FKBP1B: variants seen among roughly 807,000 people sequenced by gnomAD.
FKBP1B encodes the protein FKBP prolyl isomerase 1B.
A neutral mutation model predicts 13.5 loss-of-function variants in FKBP1B; 4 were observed. The ratio of observed to expected loss-of-function variants is 0.30; its 90% CI spans 0.15 to 0.68. FKBP1B has a LOEUF of 0.68. Ranked by LOEUF, FKBP1B falls within the 30% of genes least tolerant of loss-of-function variation. FKBP1B has a pLI of 0.76. For synonymous variants in FKBP1B, 54 were observed against 53.6 expected, an observed-to-expected ratio of 1.01 and a Z score of -0.03; for missense variants, 93 against 136.2, an observed-to-expected ratio of 0.68 and a Z score of 1.58.
the FKBP1B span, among the ~76,000 whole-genome samples, chr2:24,040,611 G>A: frequency 2.6e-5 from 4 of 152,120 alleles, no homozygotes; most frequent in Non-Finnish European, 5.9e-5. Flanking sequence ...ATTCCCTATT[G>A]CATTTTATCT....
At position 24,049,859 on chromosome 2, in the gene FKBP1B, G is replaced by C; in HGVS notation, c.10G>C (p.Glu4Gln). The change falls in exon 1 of 4, where the codon GAG (glutamate) becomes CAG (glutamine). Residue 4 changes from glutamate (E) to glutamine (Q), a missense_variant. Transcript: ENST00000380986. MGV[E>Q]IETISPGDGR... ...GGCCTGTGGGACCGCTATGGGCGTGGAGATCGAGACCATCTCCCCCGGAGA... is the reference window on the plus strand; with the variant it reads ...GGCCTGTGGGACCGCTATGGGCGTGCAGATCGAGACCATCTCCCCCGGAGA... The C allele has an allele frequency of 7.0e-7, 1 of 1,428,214 alleles. No homozygotes were observed. Among genetic ancestry groups the C allele is most frequent in the Non-Finnish European group, 9.2e-7 (1 of 1,089,312 alleles). The allele number at this position is 1,428,214 out of a possible 1,614,324, so 88.5% of individuals were successfully genotyped here.
At chr2:24,036,097 T>TAA in the FKBP1B span, among the ~76,000 whole-genome samples, 9 of 148,648 alleles carry the variant, frequency 6.1e-5, no homozygotes, top group South Asian at 6.3e-4. Flanking sequence ...AATAAATAAA[T>TAA]AAATAAATAA....
upstream of FKBP1B, among the ~76,000 whole-genome samples, chr2:24,048,321 T>G (rs1663697722): frequency 6.6e-6 from 1 of 151,766 alleles, no homozygotes; most frequent in African/African-American, 2.4e-5. Context: ...AATTTAAAAA[T>G]TAGCCGAACG....
In FKBP1B at chr2:24,049,874, TC is replaced by T; in HGVS notation, c.30del (p.Gly11GlufsTer57). The T allele has an allele frequency of 1.4e-6, 2 of 1,419,360 alleles. No homozygotes were observed. Among genetic ancestry groups the T allele is most frequent in the Non-Finnish European group, 9.2e-7 (1 of 1,085,190 alleles). The allele number at this position is 1,419,360 out of a possible 1,614,324, so 87.9% of individuals were successfully genotyped here. On this transcript the variant is annotated frameshift_variant, in exon 1 of 4. Transcript: ENST00000380986. LOFTEE classifies it high-confidence loss of function. ...TATGGGCGTGGAGATCGAGACCATC[TC>T]CCCCGGAGACGGTACCGGGCTCCCT... MGVEIETISPGDGRTFPKK... is the reference protein window; with the variant it reads MGVEIETIXPGDGRTFPKK...
At chr2:24,061,054 C>A in intron 3 of FKBP1B, 128 bp downstream of exon 3, 2 of 676,826 alleles carry the variant, frequency 3.0e-6, no homozygotes, top group Non-Finnish European at 5.1e-6. Flanking sequence ...CAGGGCATGG[C>A]AACGCCATCT....
At position 24,063,056 on chromosome 2, in the gene FKBP1B, C is replaced by T; in HGVS notation, c.199-8C>T. The stretch of plus-strand genomic sequence containing the variant: ...TCTCCTCTCCCCATCTGCCCCCATC[C>T]CTGCTAGATGAGCTTGGGGCAGAGG... On this transcript the variant is annotated splice_polypyrimidine_tract_variant and splice_region_variant and intron_variant, in intron 3 of 3. Transcript: ENST00000380986. The T allele has an allele frequency of 6.2e-7, 1 of 1,614,260 alleles. No individual in the cohort carries two copies. The highest frequency in any genetic ancestry group is 8.5e-7 in the Non-Finnish European group (1 of 1,180,050).
At chr2:24,042,802 G>A in the FKBP1B span, among the ~76,000 whole-genome samples, 1 of 152,218 alleles carries the variant, frequency 6.6e-6, no homozygotes, top group East Asian at 1.9e-4. Flanking sequence ...GGAGGCCGAG[G>A]CGGGCAGATC....
At chr2:24,055,867 G>A (rs749114587) in intron 2 of FKBP1B, among the ~76,000 whole-genome samples, 7 of 152,190 alleles carry the variant, frequency 4.6e-5, no homozygotes, top group Non-Finnish European at 1.0e-4. Flanking sequence ...TGGGCTCAGC[G>A]TTAGCAGTAC....
chr2:24,045,849 AG>A (rs1376550216), upstream of FKBP1B: 7 of 152,152 alleles, frequency 4.6e-5, no homozygotes, highest in Non-Finnish European at 1.0e-4. Context: ...TCACTTTGGC[AG>A]CACATATACT....
the FKBP1B span, among the ~76,000 whole-genome samples, chr2:24,042,260 G>A: frequency 3.9e-5 from 6 of 152,016 alleles, no homozygotes; most frequent in Admixed American, 2.6e-4. Context: ...AAAATTGGCC[G>A]GGCGCAGTGG....
At chr2:24,042,202 A>G in the FKBP1B span, among the ~76,000 whole-genome samples, 1 of 151,676 alleles carries the variant, frequency 6.6e-6, no homozygotes, top group African/African-American at 2.4e-5. Context: ...AGGAGCTCAA[A>G]ACCAGCCTGA....
intron 1 of FKBP1B, among the ~76,000 whole-genome samples, chr2:24,052,126 G>A (rs576201497): frequency 3.9e-5 from 6 of 152,108 alleles, no homozygotes; most frequent in African/African-American, 9.6e-5. Context: ...TGTCAGCTCC[G>A]CTTCGAAAAT....
chr2:24,038,958 C>T, the FKBP1B span: 8 of 1,614,082 alleles, frequency 5.0e-6, no homozygotes, highest in East Asian at 2.2e-5. Context: ...TATAAGAATG[C>T]AGGCTGCTGC....
At chr2:24,056,683 GT>G (rs1428673375) in intron 2 of FKBP1B, among the ~76,000 whole-genome samples, 1 of 151,858 alleles carries the variant, frequency 6.6e-6, no homozygotes, top group Non-Finnish European at 1.5e-5. Flanking sequence ...AGAAAATTAG[GT>G]TGTCTTTTTC....
chr2:24,039,671 T>A, the FKBP1B span, among the ~76,000 whole-genome samples: 1 of 152,180 alleles, frequency 6.6e-6, no homozygotes, highest in East Asian at 1.9e-4. Context: ...TACTGAGCTA[T>A]CAGGCAAATG....
At chr2:24,038,709 TTTATC>T in the FKBP1B span, 1 of 1,614,224 alleles carries the variant, frequency 6.2e-7, no homozygotes, top group African/African-American at 1.3e-5. Context: ...CAGTTGCCTC[TTTATC>T]CATAGAGCGT....
chr2:24,037,679 G>C, the FKBP1B span: 1 of 1,606,210 alleles, frequency 6.2e-7, no homozygotes, highest in Admixed American at 1.7e-5. Flanking sequence ...GAATTTACCT[G>C]GTAAATGATG....
chr2:24,040,742 C>T, the FKBP1B span, among the ~76,000 whole-genome samples: 2 of 152,194 alleles, frequency 1.3e-5, no homozygotes, highest in African/African-American at 2.4e-5. Flanking sequence ...TAGGGCTGGG[C>T]GTGGTGACTC....
chr2:24,037,396 T>C, the FKBP1B span, among the ~76,000 whole-genome samples: 85 of 152,252 alleles, frequency 5.6e-4, no homozygotes, highest in Middle Eastern at 3.4e-3. Flanking sequence ...AATAACATGA[T>C]TTTTTTTCTA....
Sources: gnomAD v4.1 joint callset for allele counts (sites outside exome capture counted in the v4.1 genomes callset) on GRCh38, gnomAD v4.1.1 for gene constraint, MANE v1.5 for transcripts, NCBI Gene and HGNC (gene_info 2026-07-23, HGNC 2026-07-21) for gene names.